Variants in FLNB observed in about 807,000 individuals in gnomAD.
FLNB encodes the protein filamin B, also known as filamin-B.
FLNB carries 111 observed loss-of-function variants against 250.6 expected under a neutral mutation model. That is an observed-to-expected ratio of 0.44 (90% confidence interval 0.38 to 0.52). The LOEUF is 0.52. Among genes scored for constraint, FLNB ranks in the 20% least tolerant of loss-of-function variants. FLNB has a pLI of 0.00. For synonymous variants in FLNB, 1,302 were observed against 1,372.1 expected (o/e 0.95, Z 1.13); for missense variants, 2,869 against 3,447.8 (o/e 0.83, Z 4.20).
intron 19 of FLNB, 52 bp from the exon 20 acceptor site, chr3:58,121,189 C>G: frequency 5.0e-6 from 8 of 1,612,850 alleles, no homozygotes; most frequent in Non-Finnish European, 6.8e-6. Flanking sequence ...CTGGATTGTT[C>G]CTGCTGCTGA....
chr3:58,024,701 C>T (rs1035927482), intron 1 of FLNB, among the ~76,000 whole-genome samples: 9 of 83,730 alleles, frequency 1.1e-4, no homozygotes, highest in South Asian at 5.9e-4. Context: ...GCCAAGCCTC[C>T]TTTTTTTTTT....
In FLNB at chr3:58,149,925, C is replaced by G. The variant is rs756854090; in HGVS notation, c.6167C>G (p.Thr2056Ser). 2 of 1,614,228 alleles carry G rather than the reference C, an allele frequency of 1.2e-6. No homozygotes were observed. The highest frequency in any genetic ancestry group is 1.7e-6 in the Non-Finnish European group (2 of 1,180,038). Reference sequence around the variant, plus strand: ...CAGACGGAGGACCTGGAAGATGGCACCTGCAAAGTCTCCTACTTCCCTACC... The same window carrying G: ...CAGACGGAGGACCTGGAAGATGGCAGCTGCAAAGTCTCCTACTTCCCTACC... The part of the protein sequence containing the change: ...DIQTEDLEDG[T>S]CKVSYFPTVP... The change falls in exon 37 of 46, where the codon ACC becomes AGC. Residue 2056 changes from threonine to serine, a missense_variant. Thr to Ser is a moderately conservative substitution (Grantham distance 58). Transcript: ENST00000295956.
At chr3:58,029,399 G>A (rs982314056) in intron 1 of FLNB, among the ~76,000 whole-genome samples, 1 of 152,112 alleles carries the variant, frequency 6.6e-6, no homozygotes, top group Non-Finnish European at 1.5e-5. Context: ...TTGGGATAAT[G>A]GGATATGAAG....
chr3:58,009,373 G>A (rs2097095043), intron 1 of FLNB, among the ~76,000 whole-genome samples: 1 of 152,166 alleles, frequency 6.6e-6, no homozygotes. Flanking sequence ...GGTGGAGACA[G>A]AGACCTGGTA....
At chr3:58,057,998 A>G (rs2097172888) in intron 1 of FLNB, among the ~76,000 whole-genome samples, 1 of 152,154 alleles carries the variant, frequency 6.6e-6, no homozygotes, top group Non-Finnish European at 1.5e-5. Flanking sequence ...CATATTGGTC[A>G]GGCTGGTCTC....
At position 58,142,797 on chromosome 3, in the gene FLNB, C is replaced by T. The variant is rs546757445; in HGVS notation, c.5284+45C>T. The T allele has an allele frequency of 1.1e-5, 17 of 1,535,656 alleles. No individual in the cohort carries two copies. The highest frequency in any genetic ancestry group is 6.8e-5 in the African/African-American group (5 of 73,496). The stretch of plus-strand genomic sequence containing the variant: ...GCCGTCTCATTCTCACTTGCTCTCA[C>T]GAGCTTCCCAGAATGGTGCTGGGGA... On this transcript the variant is annotated intron_variant, in intron 31 of 45. Coordinates refer to ENST00000295956, the MANE Select transcript of FLNB (RefSeq NM_001457.4). The surrounding 1 kb of genome is among the most constrained non-coding windows in gnomAD (Gnocchi z 4.3).
rs1383454312 is a variant in FLNB, at chr3:58,104,095, C to T, written c.1610+10C>T. The T allele has an allele frequency of 3.7e-6, 6 of 1,613,410 alleles. No homozygotes were observed. In the South Asian group the frequency reaches 5.5e-5, roughly 15 times the overall value. ...ACCACATTCCAAAGAGGTGAGGCTC[C>T]TGCTGCAGAGGGGTCTTCTCTGGAG... is the stretch of plus-strand genomic sequence containing the variant. On this transcript the variant is annotated intron_variant, in intron 10 of 45. Transcript: ENST00000295956.
At position 58,171,061 on chromosome 3, in the gene FLNB, T is replaced by C; in HGVS notation, c.*299T>C. Reference sequence around the variant, plus strand: ...TGCAGCAGACAGACCAGGAACACAATGAGACTGACATTTCAAAAAAACAAA... The same window carrying C: ...TGCAGCAGACAGACCAGGAACACAACGAGACTGACATTTCAAAAAAACAAA... On this transcript the variant is annotated 3_prime_UTR_variant, in exon 46 of 46. Coordinates refer to ENST00000295956, the MANE Select transcript of FLNB (RefSeq NM_001457.4). This position sits in a 1 kb window ranked among gnomAD's most constrained non-coding sequence, Gnocchi z 5.5. The C allele has an allele frequency of 2.8e-6, 1 of 359,118 alleles. No homozygotes were observed. The highest frequency in any genetic ancestry group is 5.1e-6 in the Non-Finnish European group (1 of 194,476). The allele number at this position is 359,118 out of a possible 1,614,324, so 22.2% of individuals were successfully genotyped here.
At position 58,169,003 on chromosome 3, in the gene FLNB, A is replaced by G. The variant is rs1325905318; in HGVS notation, c.7417+345A>G. ...AAAAATAATCAAAAAGTTTTCCTAT[A>G]CTTATAAAAATGTGTCTCCTCCAAA... is the stretch of plus-strand genomic sequence containing the variant. On this transcript the variant is annotated intron_variant, in intron 44 of 45. Transcript: ENST00000295956. This position sits in a 1 kb window ranked among gnomAD's most constrained non-coding sequence, Gnocchi z 4.8. 3.0e-6 allele frequency: 1 copy of G among 336,950 alleles called. No homozygotes were observed. Among genetic ancestry groups the G allele is most frequent in the Non-Finnish European group, 5.7e-6 (1 of 175,292 alleles). 20.9% of individuals were successfully genotyped at this position (336,950 alleles called of 1,614,324 possible). A position where few individuals can be genotyped will look rare whatever the true frequency, so the allele number is the denominator to read the frequency against.
rs1244239502 is a variant in FLNB at position 58,170,834 on chromosome 3, A to G, written c.*72A>G. 2 of 1,408,566 alleles carry G rather than the reference A, an allele frequency of 1.4e-6. No homozygotes were observed. The highest frequency in any genetic ancestry group is 2.0e-6 in the Non-Finnish European group (2 of 1,011,706). 87.3% of individuals were successfully genotyped at this position (1,408,566 alleles called of 1,614,324 possible). On this transcript the variant is annotated 3_prime_UTR_variant, in exon 46 of 46. Transcript: ENST00000295956. ...TGCTTGTTTGTAATTCATTTTATAC[A>G]AAGCCCTCCAGCCTGTTTGTGGGGC...
chr3:58,008,910 G>T (rs2097094155), intron 1 of FLNB, 54 bp downstream of exon 1: 1 of 1,603,022 alleles, frequency 6.2e-7, no homozygotes, highest in Non-Finnish European at 8.5e-7. Flanking sequence ...CCGCCCCCGC[G>T]CGTGCACCCC....
At position 58,126,593 on chromosome 3, in the gene FLNB, T is replaced by G. The variant is rs1228100800; in HGVS notation, c.4062-9T>G. The stretch of plus-strand genomic sequence containing the variant: ...GTGCACATTTCACTTTCTTTTCCAC[T>G]CTTTCCAGAGGCGCAGGAATTGGTG... On this transcript the variant is annotated splice_polypyrimidine_tract_variant and intron_variant, in intron 23 of 45. Coordinates refer to ENST00000295956, the MANE Select transcript of FLNB (RefSeq NM_001457.4). 2.5e-6 allele frequency: 4 copies of G among 1,613,710 alleles called. No homozygotes were observed. Among genetic ancestry groups the G allele is most frequent in the Non-Finnish European group, 3.4e-6 (4 of 1,179,690 alleles).
At chr3:58,055,140 G>A (rs2097168469) in intron 1 of FLNB, among the ~76,000 whole-genome samples, 1 of 152,060 alleles carries the variant, frequency 6.6e-6, no homozygotes, top group Admixed American at 6.6e-5. Flanking sequence ...GGTGGTGCTT[G>A]CCTGTAATCC....
intron 4 of FLNB, among the ~76,000 whole-genome samples, chr3:58,083,050 A>T (rs2097211441): frequency 6.6e-6 from 1 of 152,188 alleles, no homozygotes; most frequent in Non-Finnish European, 1.5e-5. Context: ...ATTCATTGCC[A>T]CATGTAAGAA....
chr3:58,101,658 A>G (rs2097251389), intron 8 of FLNB, among the ~76,000 whole-genome samples: 1 of 152,204 alleles, frequency 6.6e-6, no homozygotes, highest in Non-Finnish European at 1.5e-5. Context: ...TGCCTCAGCC[A>G]AGGTGGGGCT....
intron 4 of FLNB, among the ~76,000 whole-genome samples, chr3:58,093,371 C>T (rs529644638): frequency 1.4e-4 from 21 of 152,242 alleles, no homozygotes; most frequent in South Asian, 6.2e-4. Flanking sequence ...GTCACGTAGG[C>T]GTGATTGACA....
intron 34 of FLNB, among the ~76,000 whole-genome samples, chr3:58,147,332 C>T (rs989816186): frequency 2.0e-5 from 3 of 152,200 alleles, no homozygotes; most frequent in Non-Finnish European, 4.4e-5. Flanking sequence ...TGCCCTTCAG[C>T]GTCACTACTA....
intron 12 of FLNB, 84 bp from the exon 13 acceptor site, chr3:58,108,374 C>T: frequency 1.1e-6 from 1 of 874,172 alleles, no homozygotes. Flanking sequence ...TTGTTCTTCC[C>T]CCACCCCCTG....
At chr3:58,118,184 A>G (rs1419154265) in intron 18 of FLNB, among the ~76,000 whole-genome samples, 3 of 152,226 alleles carry the variant, frequency 2.0e-5, no homozygotes, top group Non-Finnish European at 4.4e-5. Flanking sequence ...GGTGCCTGCC[A>G]ATCCTGCAAG....
Sources: gnomAD v4.1 joint callset for allele counts (sites outside exome capture counted in the v4.1 genomes callset) on GRCh38, gnomAD v4.1.1 for gene constraint, Gnocchi (gnomAD v3.1) non-coding constraint, MANE v1.5 for transcripts, NCBI Gene and HGNC (gene_info 2026-07-23, HGNC 2026-07-21) for gene names.